Variants in TLN2 observed in about 807,000 individuals in gnomAD.
TLN2 encodes talin-2.
Under a neutral mutation model 294.7 loss-of-function variants are expected in TLN2, and 118 were observed. The observed-to-expected ratio is 0.40, with a 90% CI of 0.34 to 0.47. The LOEUF (loss-of-function observed/expected upper bound fraction) is 0.47, where lower values mean the gene tolerates loss of function less well. TLN2 is among the 20% of genes least tolerant of loss of function. The pLI, the probability that TLN2 is intolerant of heterozygous loss-of-function variation, is 0.84. For missense variants in TLN2, 3,083 were observed against 3,282.2 expected, an observed-to-expected ratio of 0.94 and a Z score of 1.48; for synonymous variants, 1,431 against 1,304.5, an observed-to-expected ratio of 1.10 and a Z score of -2.09.
intron 45 of TLN2, among the ~76,000 whole-genome samples, chr15:62,792,078 C>T (rs897688786): frequency 6.6e-6 from 1 of 152,212 alleles, no homozygotes; most frequent in African/African-American, 2.4e-5. Flanking sequence ...GGTATGGTCG[C>T]TGTCCCCATG....
At chr15:62,687,785 C>T (rs945348581) in intron 12 of TLN2, 1 of 152,124 alleles carries the variant, frequency 6.6e-6, no homozygotes, top group Admixed American at 6.5e-5. Flanking sequence ...TTGATAGGTT[C>T]CTGCCAATTA....
At chr15:62,793,945 C>T (rs367730808) in intron 46 of TLN2, among the ~76,000 whole-genome samples, 1 of 152,060 alleles carries the variant, frequency 6.6e-6, no homozygotes. Flanking sequence ...TGGCCTTCTC[C>T]CATAGCCCAC....
intron 1 of TLN2, among the ~76,000 whole-genome samples, chr15:62,535,802 C>A (rs1171840202): frequency 6.6e-6 from 1 of 152,180 alleles, no homozygotes; most frequent in Non-Finnish European, 1.5e-5. Flanking sequence ...ATCTGCCCGC[C>A]TCAGCCTCCC....
At chr15:62,445,786 C>G (rs909954348) in intron 1 of TLN2, among the ~76,000 whole-genome samples, 4 of 151,944 alleles carry the variant, frequency 2.6e-5, no homozygotes, top group Non-Finnish European at 4.4e-5. Context: ...ACCTCAGCCT[C>G]CCAAGTATCT....
At chr15:62,471,084 C>T (rs1345330935) in intron 1 of TLN2, among the ~76,000 whole-genome samples, 1 of 152,216 alleles carries the variant, frequency 6.6e-6, no homozygotes, top group African/African-American at 2.4e-5. Context: ...GTGGCTTACA[C>T]CTGTAATCCC....
At chr15:62,718,268 T>A (rs1433204743) in intron 24 of TLN2, among the ~76,000 whole-genome samples, 1 of 152,150 alleles carries the variant, frequency 6.6e-6, no homozygotes, top group Non-Finnish European at 1.5e-5. Context: ...GGGAGTTGAC[T>A]CCCCCAGGGC....
chr15:62,812,419 T>C (rs965148966), intron 52 of TLN2, among the ~76,000 whole-genome samples: 1 of 152,216 alleles, frequency 6.6e-6, no homozygotes, highest in Non-Finnish European at 1.5e-5. Context: ...TTAACAAGAA[T>C]GTCACTGTGT....
intron 10 of TLN2, among the ~76,000 whole-genome samples, chr15:62,674,768 T>C (rs2141009669): frequency 6.6e-6 from 1 of 152,316 alleles, no homozygotes; most frequent in Non-Finnish European, 1.5e-5. Context: ...TCCCAAACTG[T>C]TGGCATTATA....
rs188954052 is a variant in TLN2, at chr15:62,480,165, A to G, written c.-238+89480A>G. ...TGGAAGGTGTTGGATGAGTGTCTTA[A>G]GAAGTGTCTGCTCCTTCCTATAACA... On this transcript the variant is annotated intron_variant, in intron 1 of 58. Coordinates refer to ENST00000636159, the MANE Select transcript of TLN2 (RefSeq NM_015059.3). Among the ~76,000 whole-genome samples, 562 of 152,258 alleles carry G rather than the reference A, an allele frequency of 3.7e-3. 1 individual carries two copies. Among genetic ancestry groups the G allele is most frequent in the Non-Finnish European group, 5.3e-3 (362 of 68,028 alleles).
At chr15:62,673,285 G>GT (rs2055674991) in intron 9 of TLN2, among the ~76,000 whole-genome samples, 1 of 56,852 alleles carries the variant, frequency 1.8e-5, no homozygotes, top group Admixed American at 1.7e-4. Context: ...GACGGTTTTA[G>GT]TTTGCTTTAG....
At chr15:62,707,048 G>C in intron 19 of TLN2, 38 bp from the exon 20 acceptor site, 2 of 1,568,072 alleles carry the variant, frequency 1.3e-6, no homozygotes. Flanking sequence ...GGTGATTAGA[G>C]AAAAATAAAT....
chr15:62,820,546 C>T lies in TLN2; in HGVS notation c.6938C>T (p.Ala2313Val), dbSNP rs2067475186. 1.2e-6 allele frequency: 2 copies of T among 1,613,988 alleles called. No homozygotes were observed. Among genetic ancestry groups the T allele is most frequent in the East Asian group, 2.2e-5 (1 of 44,862 alleles). Reference protein sequence around the residue: ...TVIAETELLGAAASIEAAAKK... With the variant: ...TVIAETELLGVAASIEAAAKK... ...ATTGCAGAAACAGAGTTACTGGGGG[C>T]TGCAGCATCCATCGAAGCTGCTGCT... Residue 2313 changes from alanine (A) to valine (V), a missense_variant, in exon 54 of 59, where the codon GCT becomes GTT. Physicochemically the swap from Ala to Val is moderately conservative, Grantham distance 64. Coordinates refer to ENST00000636159, the MANE Select transcript of TLN2 (RefSeq NM_015059.3).
chr15:62,787,943 CAGCCT>C (rs1386572569), intron 45 of TLN2, among the ~76,000 whole-genome samples: 3 of 150,142 alleles, frequency 2.0e-5, no homozygotes, highest in African/African-American at 7.3e-5. Flanking sequence ...CCACCCATCT[CAGCCT>C]CCCAAAGTGC....
Position 62,708,695 on chromosome 15 carries a change from G to T in TLN2, c.2366G>T (p.Arg789Leu). The stretch of plus-strand genomic sequence containing the variant: ...CTCCATGATCTCCTGCAGCATGTGC[G>T]GCAGTTTGCCAGCCGAGGCGAGCCC... ...QALHDLLQHV[R>L]QFASRGEPIG... Residue 789 changes from arginine to leucine, a missense_variant, in exon 21 of 59, where the codon CGG becomes CTG. By Grantham distance (102) the Arg-to-Leu change is moderately radical (BLOSUM62 -2). Transcript: ENST00000636159. The T allele has an allele frequency of 1.2e-6, 2 of 1,613,998 alleles. No individual in the cohort carries two copies. The highest frequency in any genetic ancestry group is 1.3e-5 in the African/African-American group (1 of 75,070).
chr15:62,765,313 T>G (rs1228001614), intron 40 of TLN2, among the ~76,000 whole-genome samples: 1 of 152,154 alleles, frequency 6.6e-6, no homozygotes, highest in Non-Finnish European at 1.5e-5. Flanking sequence ...GTTTCCCTTT[T>G]TCCTTTTTTT....
At chr15:62,797,180 T>TGTCTCTCC (rs1191493135) in intron 47 of TLN2, 39 bp from the exon 48 acceptor site, 1 of 1,611,232 alleles carries the variant, frequency 6.2e-7, no homozygotes, top group South Asian at 1.1e-5. Flanking sequence ...CTTTGCCCTC[T>TGTCTCTCC]GTCTCTCCCC....
At chr15:62,517,736 A>G (rs974583291) in intron 1 of TLN2, among the ~76,000 whole-genome samples, 2 of 152,230 alleles carry the variant, frequency 1.3e-5, no homozygotes, top group African/African-American at 2.4e-5. Context: ...AAAAACAAAC[A>G]TGTTAATTCT....
intron 44 of TLN2, among the ~76,000 whole-genome samples, chr15:62,781,629 C>T (rs1254434478): frequency 1.3e-5 from 2 of 151,910 alleles, no homozygotes; most frequent in Non-Finnish European, 2.9e-5. Flanking sequence ...AATAACAGTA[C>T]AAGAGAAGAT....
chr15:62,774,113 C>T (rs992027854), intron 42 of TLN2, among the ~76,000 whole-genome samples: 4 of 152,184 alleles, frequency 2.6e-5, no homozygotes, highest in African/African-American at 9.7e-5. Context: ...CACTGTTGGA[C>T]AGTTCTAATT....
Sources: gnomAD v4.1 joint callset for allele counts (sites outside exome capture counted in the v4.1 genomes callset) on GRCh38, gnomAD v4.1.1 for gene constraint, MANE v1.5 for transcripts, NCBI Gene and HGNC (gene_info 2026-07-23, HGNC 2026-07-21) for gene names.